Variants in PTPRN2 observed in about 807,000 individuals in gnomAD.
The protein encoded by PTPRN2 is protein tyrosine phosphatase receptor type N2.
A neutral mutation model predicts 118.8 loss-of-function variants in PTPRN2; 74 were observed. The ratio of observed to expected loss-of-function variants is 0.62; its 90% CI spans 0.52 to 0.76. The LOEUF (loss-of-function observed/expected upper bound fraction) is 0.76. PTPRN2 is among the 30% of genes least tolerant of loss of function. The pLI is 0.00. For missense variants in PTPRN2, 1,481 were observed against 1,394.4 expected, an observed-to-expected ratio of 1.06 and a Z score of -0.99; for synonymous variants, 641 against 608.0, an observed-to-expected ratio of 1.05 and a Z score of -0.80.
At chr7:158,264,050 C>G (rs1797718801) in intron 3 of PTPRN2, among the ~76,000 whole-genome samples, 1 of 152,190 alleles carries the variant, frequency 6.6e-6, no homozygotes, top group South Asian at 2.1e-4. Flanking sequence ...TCTTCCAGTG[C>G]AGGACTTTGG....
At position 157,829,659 on chromosome 7, in the gene PTPRN2, G is replaced by C. The variant is rs572482972; in HGVS notation, c.1788+69014C>G. ...CTGTGAGCTGAGCCATCTCTGCAAT[G>C]GAAGGACAGAGCATGACCGTGCACC... On this transcript the variant is annotated intron_variant, in intron 12 of 22. Transcript: ENST00000389418. Among the ~76,000 whole-genome samples the C allele has an allele frequency of 6.6e-5, 10 of 152,366 alleles. No homozygotes were observed. The South Asian group carries it at 1.9e-3, about 28-fold the overall frequency.
At chr7:158,164,472 G>C (rs1017647782) in intron 6 of PTPRN2, among the ~76,000 whole-genome samples, 1 of 147,734 alleles carries the variant, frequency 6.8e-6, no homozygotes, top group Non-Finnish European at 1.5e-5. Context: ...AGGAGCGCGC[G>C]CGTAGGAAGG....
At position 157,764,065 on chromosome 7, in the gene PTPRN2, G is replaced by A. The variant is rs953962205; in HGVS notation, c.1789-81128C>T. 3.9e-5 allele frequency among the ~76,000 whole-genome samples: 6 copies of A among 152,268 alleles called. No homozygotes were observed. Among genetic ancestry groups the A allele is most frequent in the South Asian group, 4.1e-4 (2 of 4,822 alleles). On this transcript the variant is annotated intron_variant, in intron 12 of 22. Coordinates refer to ENST00000389418, the MANE Select transcript of PTPRN2 (RefSeq NM_002847.5). This position sits in a 1 kb window ranked among gnomAD's most constrained non-coding sequence, Gnocchi z 4.5. Reference sequence around the variant, plus strand: ...CATGCACGCACCCTCTAGGATGGCCGTAACTAAACACACACACACAACAAA... The same window carrying A: ...CATGCACGCACCCTCTAGGATGGCCATAACTAAACACACACACACAACAAA...
At chr7:158,090,014 T>C (rs1362259067) in intron 10 of PTPRN2, among the ~76,000 whole-genome samples, 2 of 43,258 alleles carry the variant, frequency 4.6e-5, no homozygotes, top group African/African-American at 8.8e-5. Flanking sequence ...GAGGGAGTCT[T>C]CACACAAACC....
intron 2 of PTPRN2, among the ~76,000 whole-genome samples, chr7:158,341,722 C>A (rs1199202557): frequency 7.1e-6 from 1 of 140,266 alleles, no homozygotes. Flanking sequence ...CACCATAGAG[C>A]TGACGCCCGC....
chr7:157,557,289 A>G (rs62648721), intron 21 of PTPRN2, among the ~76,000 whole-genome samples: 6,270 of 151,678 alleles, frequency 0.041, 270 homozygotes, highest in East Asian at 0.14. Context: ...TCACATGTGC[A>G]CACAAACACC....
At chr7:157,658,009 CACAT>C (rs530864091) in intron 13 of PTPRN2, among the ~76,000 whole-genome samples, 98 of 151,796 alleles carry the variant, frequency 6.5e-4, no homozygotes, top group African/African-American at 2.2e-3. Flanking sequence ...ACACCACACA[CACAT>C]ACACACATCA....
intron 11 of PTPRN2, among the ~76,000 whole-genome samples, chr7:158,009,782 G>A (rs77091545): frequency 1.9e-3 from 297 of 152,308 alleles, no homozygotes; most frequent in Middle Eastern, 0.01. Context: ...AACAGCACAC[G>A]AGGTAACACC....
intron 1 of PTPRN2, among the ~76,000 whole-genome samples, chr7:158,583,918 G>C (rs1305031997): frequency 3.9e-5 from 6 of 152,176 alleles, no homozygotes; most frequent in Non-Finnish European, 8.8e-5. Flanking sequence ...ATAGATTTGT[G>C]CTTTTGTGGC....
chr7:158,515,232 G>T lies in PTPRN2; in HGVS notation c.113-25447C>A, dbSNP rs191066847. Among the ~76,000 whole-genome samples, 13 of 151,760 alleles carry T rather than the reference G, an allele frequency of 8.6e-5. No homozygotes were observed. The East Asian group carries it at 2.3e-3, about 27-fold the overall frequency. ...GCAGTGTTTCCCTCTTGTTGCCCAG[G>T]CTGGAGTGCAATGGCATGTTCTCTG... is the stretch of plus-strand genomic sequence containing the variant. On this transcript the variant is annotated intron_variant, in intron 1 of 22. Coordinates refer to ENST00000389418, the MANE Select transcript of PTPRN2 (RefSeq NM_002847.5).
At chr7:157,580,803 C>T (rs1800327393) in intron 17 of PTPRN2, among the ~76,000 whole-genome samples, 1 of 128,532 alleles carries the variant, frequency 7.8e-6, no homozygotes, top group African/African-American at 3.0e-5. Flanking sequence ...CACCCCAGCA[C>T]CTGCACACCC....
intron 14 of PTPRN2, among the ~76,000 whole-genome samples, chr7:157,644,806 A>G (rs987925447): frequency 9.8e-6 from 1 of 101,550 alleles, no homozygotes; most frequent in Non-Finnish European, 2.4e-5. Context: ...AAAAAACAAA[A>G]AAAAAAAAAC....
Position 158,167,706 on chromosome 7 carries a change from C to T in PTPRN2, c.550-415G>A, listed in dbSNP as rs1315831047. ...GACACTGCTCATTCGCTTTCAGTCT[C>T]TATGGAGGAGTCTCTTCTGGACGTT... On this transcript the variant is annotated intron_variant, in intron 5 of 22. Transcript: ENST00000389418. 2.0e-5 allele frequency among the ~76,000 whole-genome samples: 3 copies of T among 152,196 alleles called. No homozygotes were observed. The East Asian group carries it at 5.8e-4, about 29-fold the overall frequency.
At chr7:158,075,917 G>T (rs1812322035) in intron 11 of PTPRN2, among the ~76,000 whole-genome samples, 1 of 152,242 alleles carries the variant, frequency 6.6e-6, no homozygotes, top group Non-Finnish European at 1.5e-5. Flanking sequence ...ACGTGCAGCG[G>T]AACCTGGAGC....
At chr7:158,016,085 A>G (rs949106818) in intron 11 of PTPRN2, among the ~76,000 whole-genome samples, 5 of 152,184 alleles carry the variant, frequency 3.3e-5, no homozygotes, top group Non-Finnish European at 7.3e-5. Context: ...GCCACTCCCA[A>G]GAACTCTCAT....
chr7:158,327,303 TCACA>T (rs67321979), intron 2 of PTPRN2, among the ~76,000 whole-genome samples: 90 of 148,712 alleles, frequency 6.1e-4, no homozygotes, highest in African/African-American at 1.9e-3. Context: ...GTACACATTC[TCACA>T]CATACACATT....
Position 157,539,210 on chromosome 7 carries a change from G to A in PTPRN2, c.*1504C>T, listed in dbSNP as rs1011505552. 9 of 152,138 alleles carry A rather than the reference G, an allele frequency of 5.9e-5. No homozygotes were observed. Among genetic ancestry groups the A allele is most frequent in the Non-Finnish European group, 1.0e-4 (7 of 68,032 alleles). The allele number at this position is 152,138 out of a possible 1,614,324, so 9.4% of individuals were successfully genotyped here. On this transcript the variant is annotated 3_prime_UTR_variant, in exon 23 of 23. Transcript: ENST00000389418. ...TTCGATTAATTAAATTCCAGATAGAGAGAAGTAATTTTGGAAAAGAAATGA... is the reference window on the plus strand; with the variant it reads ...TTCGATTAATTAAATTCCAGATAGAAAGAAGTAATTTTGGAAAAGAAATGA...
chr7:158,332,928 G>A (rs1335571506), intron 2 of PTPRN2, among the ~76,000 whole-genome samples: 3 of 142,314 alleles, frequency 2.1e-5, no homozygotes, highest in African/African-American at 5.5e-5. Context: ...ACCATAAGAA[G>A]TGACACCTGC....
chr7:158,264,104 G>A (rs1400739070), intron 3 of PTPRN2, among the ~76,000 whole-genome samples: 1 of 152,184 alleles, frequency 6.6e-6, no homozygotes, highest in Admixed American at 6.5e-5. Flanking sequence ...CATGGTGAAA[G>A]TCCAAGCCTC....
Sources: allele counts gnomAD v4.1 joint callset (sites outside exome capture counted in the v4.1 genomes callset), GRCh38; gene constraint gnomAD v4.1.1; non-coding constraint Gnocchi (gnomAD v3.1); transcripts MANE v1.5; gene names NCBI Gene and HGNC (gene_info 2026-07-23, HGNC 2026-07-21).